MON1A: variants seen among roughly 807,000 people sequenced by gnomAD.
MON1A encodes the protein vacuolar fusion protein MON1 homolog A.
A neutral mutation model predicts 44.6 loss-of-function variants in MON1A; 29 were observed. That is an observed-to-expected ratio of 0.65 (90% confidence interval 0.48 to 0.89). The LOEUF (loss-of-function observed/expected upper bound fraction) is 0.89. Ranked by LOEUF, MON1A falls within the 40% of genes least tolerant of loss-of-function variation. The pLI is 0.00. For synonymous variants in MON1A, 275 were observed against 316.4 expected, an observed-to-expected ratio of 0.87 and a Z score of 1.39; for missense variants, 615 against 759.6, an observed-to-expected ratio of 0.81 and a Z score of 2.24.
chr3:49,923,138 G>A (rs2083017112), intron 1 of MON1A, among the ~76,000 whole-genome samples: 1 of 151,722 alleles, frequency 6.6e-6, no homozygotes, highest in African/African-American at 2.4e-5. Context: ...TCAGGCGATC[G>A]AGACCATGCT....
chr3:49,929,641 G>A lies in MON1A; in HGVS notation c.-46C>T, dbSNP rs1272554553. On this transcript the variant is annotated 5_prime_UTR_variant, in exon 1 of 6. Coordinates refer to ENST00000296473, the MANE Select transcript of MON1A (RefSeq NM_032355.4). ...TCAGAGGAGTCCAGGACGCACAGAA[G>A]GTGCCGGTCACTGCCCTCTGCCGGA... The A allele has an allele frequency of 7.7e-6, 12 of 1,551,548 alleles. No individual in the cohort carries two copies. The South Asian group carries it at 1.4e-4, about 18-fold the overall frequency.
At position 49,910,400 on chromosome 3, in the gene MON1A, G is replaced by T. The variant is rs773804922; in HGVS notation, c.1098C>A (p.Pro366=). Residue 366 remains proline (P), a synonymous_variant, in exon 4 of 6, where the codon CCC becomes CCA. Coordinates refer to ENST00000296473, the MANE Select transcript of MON1A (RefSeq NM_032355.4). This position sits in a 1 kb window ranked among gnomAD's most constrained non-coding sequence, Gnocchi z 8.0. Reference sequence around the variant, plus strand: ...CTGCGTTGAATTTGGGCAGGCACACGGGCGTCCAGGCCTCGCCCTCGCGAA... The same window carrying T: ...CTGCGTTGAATTTGGGCAGGCACACTGGCGTCCAGGCCTCGCCCTCGCGAA... The part of the protein sequence containing the change: ...SSFREGEAWT[P]VCLPKFNAAG... The T allele has an allele frequency of 6.2e-7, 1 of 1,614,092 alleles. No homozygotes were observed. Among genetic ancestry groups the T allele is most frequent in the Middle Eastern group, 1.6e-4 (1 of 6,082 alleles).
intron 1 of MON1A, among the ~76,000 whole-genome samples, chr3:49,922,401 A>G (rs974130419): frequency 2.0e-5 from 3 of 151,640 alleles, no homozygotes; most frequent in African/African-American, 7.3e-5. Context: ...GCACCACCGC[A>G]CTCCAGCTTG....
intron 1 of MON1A, among the ~76,000 whole-genome samples, chr3:49,917,225 G>C (rs952518643): frequency 1.3e-5 from 2 of 152,218 alleles, no homozygotes; most frequent in Non-Finnish European, 2.9e-5. Flanking sequence ...GCCTCCCACA[G>C]TCCTGGGATT....
Position 49,911,194 on chromosome 3 carries a change from A to AT in MON1A, c.614-311dup, listed in dbSNP as rs201449228. On this transcript the variant is annotated intron_variant, in intron 3 of 5. Coordinates refer to ENST00000296473, the MANE Select transcript of MON1A (RefSeq NM_032355.4). This position sits in a 1 kb window ranked among gnomAD's most constrained non-coding sequence, Gnocchi z 5.7. ...AGGACCTGGGAGATAGATAGATTAG[A>AT]TAGATAGATAGATAGATAGATAGAT... Among the ~76,000 whole-genome samples the AT allele has an allele frequency of 0.089, 4,246 of 47,726 alleles. 187 individuals are homozygous for AT. Among genetic ancestry groups the AT allele is most frequent in the African/African-American group, 0.22 (3,948 of 17,802 alleles). 31.3% of individuals were successfully genotyped at this position (47,726 alleles called of 152,430 possible).
In MON1A at chr3:49,910,216, C is replaced by G. The variant is rs973815662; in HGVS notation, c.1282G>C (p.Glu428Gln). The G allele has an allele frequency of 8.7e-6, 14 of 1,613,996 alleles. No homozygotes were observed. Among genetic ancestry groups the G allele is most frequent in the African/African-American group, 2.7e-5 (2 of 74,952 alleles). ...RKRGAHLALR[E>Q]ALRTPYYSVA... ...CTGTAGTAGGGTGTGCGCAGTGCCT[C>G]TCGCAGGGCCAGGTGGGCTCCGCGC... Residue 428 changes from glutamate (E) to glutamine (Q), a missense_variant, in exon 4 of 6, where the codon GAG becomes CAG. Transcript: ENST00000296473. The surrounding 1 kb of genome is among the most constrained non-coding windows in gnomAD (Gnocchi z 8.0).
intron 1 of MON1A, chr3:49,916,726 G>A (rs886760392): frequency 2.0e-5 from 3 of 152,278 alleles, no homozygotes; most frequent in Non-Finnish European, 4.4e-5. Flanking sequence ...GTCAGACAGT[G>A]GGCCAGAGGA....
Position 49,910,019 on chromosome 3 carries a change from G to C in MON1A, c.1379+100C>G. On this transcript the variant is annotated intron_variant, in intron 4 of 5. Transcript: ENST00000296473. This position sits in a 1 kb window ranked among gnomAD's most constrained non-coding sequence, Gnocchi z 8.0. ...ACACTGGTCTGCTTCCAAAGGTAGG[G>C]ACAGCTTCAGGGCTACATCTCAGAG... 1 of 1,354,894 alleles carries C rather than the reference G, an allele frequency of 7.4e-7. No homozygotes were observed. Among genetic ancestry groups the C allele is most frequent in the East Asian group, 2.3e-5 (1 of 43,230 alleles). 83.9% of individuals were successfully genotyped at this position (1,354,894 alleles called of 1,614,324 possible). A position where few individuals can be genotyped will look rare whatever the true frequency, so the allele number is the denominator to read the frequency against.
In MON1A at chr3:49,909,575, C is replaced by G; in HGVS notation, c.1380-175G>C. The stretch of plus-strand genomic sequence containing the variant: ...CCATAGCAGGCACCCCAGGACAGGG[C>G]TGGGCCCACTGAGACTAGAGCTATG... On this transcript the variant is annotated intron_variant, in intron 4 of 5. Transcript: ENST00000296473. This position sits in a 1 kb window ranked among gnomAD's most constrained non-coding sequence, Gnocchi z 4.0. The G allele has an allele frequency of 1.3e-6, 1 of 770,776 alleles. No individual in the cohort carries two copies. Among genetic ancestry groups the G allele is most frequent in the Non-Finnish European group, 2.0e-6 (1 of 491,954 alleles). The allele number at this position is 770,776 out of a possible 1,614,324, so 47.7% of individuals were successfully genotyped here.
chr3:49,917,273 A>ATTTCT lies in MON1A; in HGVS notation c.-13-3919_-13-3915dup, dbSNP rs373885754. On this transcript the variant is annotated intron_variant, in intron 1 of 5. Transcript: ENST00000296473. ...CAGCACCCGGCCTGGAATGCCCTAC[A>ATTTCT]TTTCTTTTCTTTTCTTTTCTTTTCT... 1.2e-3 allele frequency among the ~76,000 whole-genome samples: 177 copies of ATTTCT among 151,838 alleles called. 3 individuals are homozygous for ATTTCT. The highest frequency in any genetic ancestry group is 2.3e-3 in the African/African-American group (95 of 41,402).
rs1273802422 is a variant in MON1A, at chr3:49,929,653, T to C, written c.-58A>G. The C allele has an allele frequency of 6.4e-7, 1 of 1,551,306 alleles. No individual in the cohort carries two copies. The highest frequency in any genetic ancestry group is 1.4e-5 in the African/African-American group (1 of 73,058). On this transcript the variant is annotated 5_prime_UTR_variant, in exon 1 of 6. Coordinates refer to ENST00000296473, the MANE Select transcript of MON1A (RefSeq NM_032355.4). ...AGGACGCACAGAAGGTGCCGGTCAC[T>C]GCCCTCTGCCGGACCCATGGAGGGG...
At chr3:49,914,328 C>T (rs1396218479) in intron 1 of MON1A, among the ~76,000 whole-genome samples, 3 of 151,960 alleles carry the variant, frequency 2.0e-5, no homozygotes, top group African/African-American at 7.2e-5. Flanking sequence ...AGTGATCCGC[C>T]TGCCTCGGCC....
chr3:49,911,624 T>C lies in MON1A; in HGVS notation c.515A>G (p.Tyr172Cys), dbSNP rs776085940. ...SEAGKPVYSR[Y>C]GSEEALSSTM... ...GCTGGAAAGTGCCTCCTCAGACCCA[T>C]AGCGGGAGTACACAGGCTTCCCTGC... The change falls in exon 3 of 6, where the codon TAT becomes TGT. Residue 172 changes from tyrosine to cysteine, a missense_variant. By Grantham distance (194) the Tyr-to-Cys change is radical. Transcript: ENST00000296473. The surrounding 1 kb of genome is among the most constrained non-coding windows in gnomAD (Gnocchi z 5.7). The C allele has an allele frequency of 1.2e-6, 2 of 1,614,104 alleles. No individual in the cohort carries two copies. Among genetic ancestry groups the C allele is most frequent in the East Asian group, 4.5e-5 (2 of 44,888 alleles).
intron 1 of MON1A, among the ~76,000 whole-genome samples, chr3:49,923,770 T>C (rs2083025270): frequency 6.6e-6 from 1 of 151,088 alleles, no homozygotes; most frequent in Non-Finnish European, 1.5e-5. Flanking sequence ...AATCTCATTC[T>C]TTCAGTTGTT....
chr3:49,914,205 C>T (rs914932442), intron 1 of MON1A, among the ~76,000 whole-genome samples: 2 of 151,860 alleles, frequency 1.3e-5, no homozygotes, highest in Non-Finnish European at 2.9e-5. Context: ...ATTCTCCTGC[C>T]TCAGCCTCCC....
intron 1 of MON1A, among the ~76,000 whole-genome samples, chr3:49,925,449 C>T (rs549987091): frequency 4.3e-4 from 65 of 152,296 alleles, no homozygotes; most frequent in African/African-American, 1.3e-3. Context: ...TGTATATTTA[C>T]ATCATTAAAA....
intron 1 of MON1A, among the ~76,000 whole-genome samples, chr3:49,917,899 T>C (rs2082960670): frequency 6.6e-6 from 1 of 151,490 alleles, no homozygotes; most frequent in South Asian, 2.1e-4. Flanking sequence ...ATACAAAAAA[T>C]TAGCCAGGCA....
chr3:49,914,789 G>A (rs185592105), intron 1 of MON1A, among the ~76,000 whole-genome samples: 2 of 150,922 alleles, frequency 1.3e-5, no homozygotes, highest in African/African-American at 2.4e-5. Context: ...CTTGTGATCC[G>A]CCTGCCTTGG....
Position 49,909,195 on chromosome 3 carries a change from C to G in MON1A, c.1528-41G>C. ...AGGGTCGTCATCTAGGTTAGAGGCC[C>G]CTCATGGCCCATACCTAGGACCTCC... On this transcript the variant is annotated intron_variant, in intron 5 of 5. Transcript: ENST00000296473. The surrounding 1 kb of genome is among the most constrained non-coding windows in gnomAD (Gnocchi z 4.0). 1 of 1,611,570 alleles carries G rather than the reference C, an allele frequency of 6.2e-7. No homozygotes were observed. The highest frequency in any genetic ancestry group is 8.5e-7 in the Non-Finnish European group (1 of 1,178,428).
Sources: allele counts gnomAD v4.1 joint callset (sites outside exome capture counted in the v4.1 genomes callset), GRCh38; gene constraint gnomAD v4.1.1; non-coding constraint Gnocchi (gnomAD v3.1); transcripts MANE v1.5; gene names NCBI Gene and HGNC (gene_info 2026-07-23, HGNC 2026-07-21).